The following NCOA7 variants were observed in gnomAD, a reference collection of about 807,000 sequenced individuals.
The protein encoded by NCOA7 is 140 kDa estrogen receptor-associated protein.
Under a neutral mutation model 104.3 loss-of-function variants are expected in NCOA7, and 45 were observed. The ratio of observed to expected loss-of-function variants is 0.43; its 90% CI spans 0.34 to 0.55. The LOEUF (loss-of-function observed/expected upper bound fraction) is 0.55, where lower values mean the gene tolerates loss of function less well. Ranked by LOEUF, NCOA7 falls within the 20% of genes least tolerant of loss-of-function variation. The pLI is 0.02. For missense variants in NCOA7, 1,041 were observed against 1,119.7 expected (o/e 0.93, Z 1.00); for synonymous variants, 398 against 402.3 (o/e 0.99, Z 0.13).
At chr6:125,893,110 T>C (rs1784749895) in intron 10 of NCOA7, among the ~76,000 whole-genome samples, 1 of 152,222 alleles carries the variant, frequency 6.6e-6, no homozygotes, top group Non-Finnish European at 1.5e-5. Context: ...AGAAGTGGCA[T>C]GTACAGCTTT....
At chr6:125,788,698 ATTT>A (rs60048395), upstream of NCOA7, among the ~76,000 whole-genome samples, 1 of 121,916 alleles carries the variant, frequency 8.2e-6, no homozygotes, top group African/African-American at 3.1e-5. Flanking sequence ...CACCCAGCTA[ATTT>A]TTTTTTTTTT....
At chr6:125,792,570 C>G (rs926744712) in intron 1 of NCOA7, among the ~76,000 whole-genome samples, 1 of 152,088 alleles carries the variant, frequency 6.6e-6, no homozygotes, top group African/African-American at 2.4e-5. Context: ...ATTATCATGT[C>G]TTTTATCACA....
At chr6:125,866,785 T>C (rs1418369355) in intron 3 of NCOA7, among the ~76,000 whole-genome samples, 1 of 152,198 alleles carries the variant, frequency 6.6e-6, no homozygotes, top group Non-Finnish European at 1.5e-5. Context: ...GTCACTGCAA[T>C]GTTTTAATTG....
At chr6:125,922,636 T>G (rs1270724767) in intron 12 of NCOA7, 46 bp from the exon 13 acceptor site, 2 of 1,589,118 alleles carry the variant, frequency 1.3e-6, no homozygotes, top group Middle Eastern at 2.3e-4. Flanking sequence ...TCGTGAGCAA[T>G]TTGTGGGTGA....
intron 4 of NCOA7, among the ~76,000 whole-genome samples, chr6:125,877,964 TCTTCATTAC>T (rs1294594552): frequency 6.6e-6 from 1 of 152,202 alleles, no homozygotes; most frequent in African/African-American, 2.4e-5. Context: ...CTTGTTGTAG[TCTTCATTAC>T]AGCTCACGGA....
At chr6:125,886,164 G>GAAAA (rs57159294) in intron 8 of NCOA7, among the ~76,000 whole-genome samples, 2 of 115,930 alleles carry the variant, frequency 1.7e-5, no homozygotes, top group African/African-American at 3.0e-5. Flanking sequence ...GGGCTTATAT[G>GAAAA]AAAAAAAAAA....
rs746783425 is a variant in NCOA7, at chr6:125,929,881, A to G, written c.*1110A>G. 6.6e-6 allele frequency: 1 copy of G among 152,226 alleles called. No individual in the cohort carries two copies. Among genetic ancestry groups the G allele is most frequent in the Non-Finnish European group, 1.5e-5 (1 of 68,036 alleles). 9.4% of individuals were successfully genotyped at this position (152,226 alleles called of 1,614,324 possible). On this transcript the variant is annotated 3_prime_UTR_variant, in exon 16 of 16. Transcript: ENST00000392477. ...CTCTGTCTTAAAAGGGACTCAGTAT[A>G]TTAATTTCTGCATTTTTTAAATCAA...
At position 125,857,133 on chromosome 6, in the gene NCOA7, G is replaced by A. The variant is rs1230295933; in HGVS notation, c.271+1893G>A. On this transcript the variant is annotated intron_variant, in intron 3 of 15. Transcript: ENST00000392477. ...AAAAAGCTATAACTGTCAACCTGTT[G>A]AAAGATACTTCTGTACTATTAATAA... Among the ~76,000 whole-genome samples, 3 of 152,150 alleles carry A rather than the reference G, an allele frequency of 2.0e-5. No individual in the cohort carries two copies. The East Asian group carries it at 5.8e-4, about 29-fold the overall frequency.
chr6:125,828,757 A>C (rs1723768835), intron 2 of NCOA7, among the ~76,000 whole-genome samples: 1 of 152,146 alleles, frequency 6.6e-6, no homozygotes, highest in African/African-American at 2.4e-5. Context: ...AATGTGTTTT[A>C]GTTTTACTTG....
At chr6:125,837,624 A>G (rs1779720612) in intron 2 of NCOA7, among the ~76,000 whole-genome samples, 1 of 151,250 alleles carries the variant, frequency 6.6e-6, no homozygotes, top group Admixed American at 6.6e-5. Context: ...ATTTTCTTCT[A>G]TTTCTTCTCT....
At chr6:125,815,868 A>C (rs1777545661) in intron 2 of NCOA7, among the ~76,000 whole-genome samples, 3 of 152,196 alleles carry the variant, frequency 2.0e-5, no homozygotes, top group African/African-American at 2.4e-5. Flanking sequence ...TTTGAATCAG[A>C]GTCATTTTTA....
At chr6:125,911,068 T>C (rs537383059) in intron 10 of NCOA7, among the ~76,000 whole-genome samples, 2 of 152,350 alleles carry the variant, frequency 1.3e-5, no homozygotes, top group African/African-American at 4.8e-5. Flanking sequence ...CATTATTGTA[T>C]GGAGGCTGCA....
chr6:125,838,507 G>A (rs182677449), intron 2 of NCOA7, among the ~76,000 whole-genome samples: 125 of 152,276 alleles, frequency 8.2e-4, no homozygotes, highest in Non-Finnish European at 1.5e-3. Flanking sequence ...AGCTTTGCAG[G>A]GGTACTTCTG....
At chr6:125,826,972 C>T (rs553271778) in intron 2 of NCOA7, among the ~76,000 whole-genome samples, 5 of 151,974 alleles carry the variant, frequency 3.3e-5, no homozygotes, top group South Asian at 4.2e-4. Flanking sequence ...CTCAGGCGGG[C>T]GGATCACCTG....
intron 2 of NCOA7, among the ~76,000 whole-genome samples, chr6:125,847,661 G>T (rs1416218415): frequency 6.6e-6 from 1 of 152,146 alleles, no homozygotes; most frequent in Admixed American, 6.6e-5. Context: ...ATTCAAGGTG[G>T]ATTAAAGACT....
intron 1 of NCOA7, among the ~76,000 whole-genome samples, chr6:125,792,379 G>T (rs1343994220): frequency 3.3e-5 from 5 of 152,140 alleles, no homozygotes; most frequent in African/African-American, 7.2e-5. Flanking sequence ...TCATGTCTAA[G>T]CTTGCAAAAT....
intron 1 of NCOA7, among the ~76,000 whole-genome samples, chr6:125,784,635 T>C (rs1774373891): frequency 6.6e-6 from 1 of 152,126 alleles, no homozygotes; most frequent in African/African-American, 2.4e-5. Context: ...CTGGAGACAA[T>C]TGAAATGCCC....
At chr6:125,922,090 A>G (rs1026559038) in intron 12 of NCOA7, among the ~76,000 whole-genome samples, 1 of 152,192 alleles carries the variant, frequency 6.6e-6, no homozygotes, top group Non-Finnish European at 1.5e-5. Flanking sequence ...GATTTTAAGC[A>G]CTCTGAAGAC....
Position 125,915,382 on chromosome 6 carries a change from G to C in NCOA7, c.2146G>C (p.Gly716Arg), listed in dbSNP as rs758871002. Residue 716 changes from glycine (G) to arginine (R), a missense_variant, in exon 11 of 16, where the codon GGA becomes CGA. This residue lies in a region of NCOA7 where 914 missense variants were observed against 942.7 expected (regional missense o/e 0.97). Coordinates refer to ENST00000392477, the MANE Select transcript of NCOA7 (RefSeq NM_181782.5). ...TGTTCAGTGGTCTCCCGATGTCTATGGAAAAGATGCCAAAGAGCAAGGCTT... is the reference window on the plus strand; with the variant it reads ...TGTTCAGTGGTCTCCCGATGTCTATCGAAAAGATGCCAAAGAGCAAGGCTT... The part of the protein sequence containing the change: ...FFVQWSPDVY[G>R]KDAKEQGFVV... 60 of 1,613,804 alleles carry C rather than the reference G, an allele frequency of 3.7e-5. No homozygotes were observed. The Middle Eastern group carries it at 9.9e-4, about 27-fold the overall frequency.
Sources: gnomAD v4.1 joint callset for allele counts (sites outside exome capture counted in the v4.1 genomes callset) on GRCh38, gnomAD v4.1.1 for gene constraint, gnomAD v4.1.1 regional missense constraint, MANE v1.5 for transcripts, NCBI Gene and HGNC (gene_info 2026-07-23, HGNC 2026-07-21) for gene names.